ITPKB: variants seen among roughly 807,000 people sequenced by gnomAD.
ITPKB encodes IP3 3-kinase B.
In ITPKB, 13 loss-of-function variants were observed where a neutral mutation model predicts 69.4. The ratio of observed to expected loss-of-function variants is 0.19; its 90% CI spans 0.12 to 0.30. The LOEUF is 0.30. Ranked by LOEUF, ITPKB falls within the 10% of genes least tolerant of loss-of-function variation. The pLI is 1.00. For missense variants in ITPKB, 1,240 were observed against 1,250.5 expected (o/e 0.99, Z 0.13); for synonymous variants, 584 against 513.7 (o/e 1.14, Z -1.85).
intron 2 of ITPKB, among the ~76,000 whole-genome samples, chr1:226,683,225 C>A (rs181888242): frequency 2.6e-5 from 4 of 152,220 alleles, no homozygotes; most frequent in African/African-American, 9.6e-5. Context: ...AACACCTCCC[C>A]CTTCGTGCTT....
In ITPKB at chr1:226,633,605, A is replaced by G. The variant is rs1144838; in HGVS notation, c.*1066T>C. The G allele has an allele frequency of 0.12, 18,128 of 152,238 alleles. 1,157 individuals carry two copies. Among genetic ancestry groups the G allele is most frequent in the East Asian group, 0.15 (793 of 5,170 alleles). The allele number at this position is 152,238 out of a possible 1,614,324, so 9.4% of individuals were successfully genotyped here. A position where few individuals can be genotyped will look rare whatever the true frequency, so the allele number is the denominator to read the frequency against. ...AAGCAGGAATCTAAGCCCTCCAGGC[A>G]GTAAGGCTTGTTTCAGAGGCAATAA... On this transcript the variant is annotated 3_prime_UTR_variant, in exon 8 of 8. Transcript: ENST00000429204.
rs1205598847 is a variant in ITPKB, at chr1:226,730,017, GA to G, written c.1932+5509del. ...TATTTAAGATAATAGTTTACTCCTGGAAAAATGGATCAGGGCTGCTGTCTTC... is the reference window on the plus strand; with the variant it reads ...TATTTAAGATAATAGTTTACTCCTGGAAAATGGATCAGGGCTGCTGTCTTC... On this transcript the variant is annotated intron_variant, in intron 2 of 7. Coordinates refer to ENST00000429204, the MANE Select transcript of ITPKB (RefSeq NM_002221.4). 2.0e-5 allele frequency among the ~76,000 whole-genome samples: 3 copies of G among 152,164 alleles called. No individual in the cohort carries two copies. In the East Asian group the frequency reaches 5.8e-4, roughly 29 times the overall value.
At chr1:226,671,922 C>T (rs898780488) in intron 2 of ITPKB, among the ~76,000 whole-genome samples, 4 of 152,134 alleles carry the variant, frequency 2.6e-5, no homozygotes, top group East Asian at 1.9e-4. Context: ...CTTAGGACTT[C>T]GGATTTTATG....
intron 2 of ITPKB, among the ~76,000 whole-genome samples, chr1:226,704,012 A>G (rs544828740): frequency 3.8e-4 from 58 of 152,302 alleles, no homozygotes; most frequent in African/African-American, 1.3e-3. Flanking sequence ...CTCCACGGTC[A>G]GCTTGCAGAG....
intron 2 of ITPKB, among the ~76,000 whole-genome samples, chr1:226,700,204 C>T (rs867386205): frequency 3.2e-4 from 48 of 152,244 alleles, no homozygotes; most frequent in African/African-American, 1.1e-3. Context: ...GACACGGTGG[C>T]TTATGCCTGT....
chr1:226,634,506 G>C lies in ITPKB; in HGVS notation c.*165C>G. 3.3e-6 allele frequency: 2 copies of C among 597,858 alleles called. No individual in the cohort carries two copies. The highest frequency in any genetic ancestry group is 2.8e-5 in the East Asian group (1 of 36,114). 37.0% of individuals were successfully genotyped at this position (597,858 alleles called of 1,614,324 possible). Reference sequence around the variant, plus strand: ...GCAAACACCACCTCCAAGCCCTGAAGTTAGGAAAATGACTAGAAACTCTCA... The same window carrying C: ...GCAAACACCACCTCCAAGCCCTGAACTTAGGAAAATGACTAGAAACTCTCA... On this transcript the variant is annotated 3_prime_UTR_variant, in exon 8 of 8. Transcript: ENST00000429204. This position sits in a 1 kb window ranked among gnomAD's most constrained non-coding sequence, Gnocchi z 6.3.
intron 2 of ITPKB, chr1:226,657,140 C>T (rs1036902525): frequency 9.4e-4 from 143 of 152,296 alleles, no homozygotes; most frequent in African/African-American, 3.1e-3. Context: ...TCCTTAGGCC[C>T]CCAGATGTGT....
chr1:226,731,739 G>A (rs1259620069), intron 2 of ITPKB, among the ~76,000 whole-genome samples: 1 of 152,042 alleles, frequency 6.6e-6, no homozygotes, highest in Non-Finnish European at 1.5e-5. Flanking sequence ...ATGACTCGGG[G>A]TCCTCCCAGA....
In ITPKB at chr1:226,737,332, T is replaced by G; in HGVS notation, c.127A>C (p.Ser43Arg). ...CCGGGGCTGAAAACGCTGCCGGGGC[T>G]CAGCACTGCCCTCCTCGGGGGCGGG... is the stretch of plus-strand genomic sequence containing the variant. ...TPPPPRRAVLSPGSVFSPGRG... is the reference protein window; with the variant it reads ...TPPPPRRAVLRPGSVFSPGRG... Residue 43 changes from serine to arginine, a missense_variant, in exon 2 of 8, where the codon AGC becomes CGC. Transcript: ENST00000429204. The G allele has an allele frequency of 6.3e-7, 1 of 1,599,252 alleles. No homozygotes were observed. The highest frequency in any genetic ancestry group is 8.5e-7 in the Non-Finnish European group (1 of 1,177,370).
chr1:226,732,102 C>CA (rs532778037), intron 2 of ITPKB, among the ~76,000 whole-genome samples: 6,072 of 76,216 alleles, frequency 0.08, 299 homozygotes, highest in African/African-American at 0.15. Context: ...TAGTCAACAT[C>CA]AAAAAAAAAA....
chr1:226,657,465 G>A (rs1669315092), intron 2 of ITPKB, among the ~76,000 whole-genome samples: 1 of 151,922 alleles, frequency 6.6e-6, no homozygotes, highest in Admixed American at 6.6e-5. Flanking sequence ...TTAGATAATC[G>A]TAAAGAAAGA....
chr1:226,634,476 G>A lies in ITPKB; in HGVS notation c.*195C>T. ...TAGTAGGTGACCCTCTCTACAAAAA[G>A]CAGTGCAAACACCACCTCCAAGCCC... On this transcript the variant is annotated 3_prime_UTR_variant, in exon 8 of 8. Transcript: ENST00000429204. This position sits in a 1 kb window ranked among gnomAD's most constrained non-coding sequence, Gnocchi z 6.3. 1.7e-6 allele frequency: 1 copy of A among 585,960 alleles called. No homozygotes were observed. The highest frequency in any genetic ancestry group is 3.1e-6 in the Non-Finnish European group (1 of 327,600). 36.3% of individuals were successfully genotyped at this position (585,960 alleles called of 1,614,324 possible). A position where few individuals can be genotyped will look rare whatever the true frequency, so the allele number is the denominator to read the frequency against.
intron 2 of ITPKB, among the ~76,000 whole-genome samples, chr1:226,676,536 T>C (rs753921203): frequency 2.0e-5 from 3 of 152,140 alleles, no homozygotes; most frequent in African/African-American, 4.8e-5. Flanking sequence ...ATCTGCAAAA[T>C]AGGGATAATA....
intron 2 of ITPKB, among the ~76,000 whole-genome samples, chr1:226,652,146 T>G (rs77151621): frequency 0.014 from 2,129 of 152,262 alleles, 58 homozygotes; most frequent in African/African-American, 0.048. Flanking sequence ...AAAAAGCCAT[T>G]TCCAGGTCCA....
intron 2 of ITPKB, among the ~76,000 whole-genome samples, chr1:226,688,588 C>T (rs1656271202): frequency 6.6e-6 from 1 of 152,264 alleles, no homozygotes; most frequent in African/African-American, 2.4e-5. Context: ...AAGCCAGTCA[C>T]AATTAGCAGG....
chr1:226,651,885 C>T (rs1669201223), intron 2 of ITPKB, among the ~76,000 whole-genome samples: 1 of 152,204 alleles, frequency 6.6e-6, no homozygotes, highest in African/African-American at 2.4e-5. Flanking sequence ...CGCTTGGCTC[C>T]CCTCTGCCCA....
At chr1:226,728,360 T>G (rs1657484918) in intron 2 of ITPKB, among the ~76,000 whole-genome samples, 1 of 152,194 alleles carries the variant, frequency 6.6e-6, no homozygotes, top group African/African-American at 2.4e-5. Flanking sequence ...AAAGATCAGA[T>G]TTCTAACAGT....
intron 2 of ITPKB, among the ~76,000 whole-genome samples, chr1:226,677,035 G>A (rs560900721): frequency 2.2e-4 from 34 of 152,182 alleles, no homozygotes; most frequent in Admixed American, 1.4e-3. Flanking sequence ...CTCCAAACCT[G>A]CAAACCCTCC....
chr1:226,703,604 G>A (rs1355262599), intron 2 of ITPKB, among the ~76,000 whole-genome samples: 1 of 152,206 alleles, frequency 6.6e-6, no homozygotes, highest in African/African-American at 2.4e-5. Flanking sequence ...CGGCGGCGGT[G>A]CCGGTCACGT....
Sources: gnomAD v4.1 joint callset for allele counts (sites outside exome capture counted in the v4.1 genomes callset) on GRCh38, gnomAD v4.1.1 for gene constraint, Gnocchi (gnomAD v3.1) non-coding constraint, MANE v1.5 for transcripts, NCBI Gene and HGNC (gene_info 2026-07-23, HGNC 2026-07-21) for gene names.